TVP23C: variants seen among roughly 807,000 people sequenced by gnomAD.
The protein encoded by TVP23C is Golgi apparatus membrane protein TVP23 homolog C.
Under a neutral mutation model 28.7 loss-of-function variants are expected in TVP23C, and 19 were observed. That is an observed-to-expected ratio of 0.66 (90% confidence interval 0.46 to 0.97). The LOEUF (loss-of-function observed/expected upper bound fraction) is 0.97, where lower values mean the gene tolerates loss of function less well. TVP23C is among the 50% of genes least tolerant of loss of function. TVP23C has a pLI of 0.00. For synonymous variants in TVP23C, 68 were observed against 81.7 expected (o/e 0.83, Z 0.90); for missense variants, 186 against 241.3 (o/e 0.77, Z 1.52).
At chr17:15,527,581 T>C (rs1982780848) in intron 5 of TVP23C, among the ~76,000 whole-genome samples, 1 of 152,204 alleles carries the variant, frequency 6.6e-6, no homozygotes, top group Non-Finnish European at 1.5e-5. Flanking sequence ...ACTGAACATT[T>C]TACATGAGTT....
chr17:15,525,966 A>C (rs943153846), intron 5 of TVP23C, among the ~76,000 whole-genome samples: 1 of 152,234 alleles, frequency 6.6e-6, no homozygotes, highest in African/African-American at 2.4e-5. Flanking sequence ...AAAGAGATTA[A>C]GTATCTCATG....
chr17:15,538,552 T>C lies in TVP23C; in HGVS notation c.*1860A>G, dbSNP rs1983262088. ...TTGCAGTGAGCCGAGATCGCGCCAC[T>C]GCACTCCAGCCTGGGCAAACAGAGT... On this transcript the variant is annotated 3_prime_UTR_variant, in exon 6 of 6. Transcript: ENST00000518321. 1.1e-6 allele frequency: 1 copy of C among 944,652 alleles called. No homozygotes were observed. Among genetic ancestry groups the C allele is most frequent in the Non-Finnish European group, 1.3e-6 (1 of 792,866 alleles). The allele number at this position is 944,652 out of a possible 1,614,324, so 58.5% of individuals were successfully genotyped here.
chr17:15,551,178 G>A (rs964129091), intron 3 of TVP23C, among the ~76,000 whole-genome samples: 3 of 151,128 alleles, frequency 2.0e-5, no homozygotes, highest in Non-Finnish European at 4.4e-5. Flanking sequence ...GTGCAGTGGC[G>A]CGATCTCGGC....
At chr17:15,535,808 T>C (rs1361840745), downstream of TVP23C, among the ~76,000 whole-genome samples, 1 of 152,214 alleles carries the variant, frequency 6.6e-6, no homozygotes, top group African/African-American at 2.4e-5. Flanking sequence ...GTGCACTGTA[T>C]CGACAAGAAT....
Position 15,537,772 on chromosome 17 carries a change from T to C in TVP23C, c.*2640A>G. The C allele has an allele frequency of 9.5e-7, 1 of 1,057,648 alleles. No homozygotes were observed. Among genetic ancestry groups the C allele is most frequent in the African/African-American group, 1.7e-5 (1 of 59,728 alleles). 65.5% of individuals were successfully genotyped at this position (1,057,648 alleles called of 1,614,324 possible). A position where few individuals can be genotyped will look rare whatever the true frequency, so the allele number is the denominator to read the frequency against. ...GAGACAGACTAAGAACATCCTCCTA[T>C]GTTCTATGGATCAAAATGCAAAGGT... On this transcript the variant is annotated 3_prime_UTR_variant, in exon 6 of 6. Transcript: ENST00000518321.
chr17:15,507,409 G>A, intron 5 of TVP23C: 4 of 590,872 alleles, frequency 6.8e-6, no homozygotes, highest in Non-Finnish European at 1.2e-5. Flanking sequence ...AGCTCAGAGA[G>A]AGCACCCTCC....
chr17:15,548,680 A>G (rs1983753483), intron 3 of TVP23C, among the ~76,000 whole-genome samples: 2 of 152,250 alleles, frequency 1.3e-5, no homozygotes, highest in Non-Finnish European at 2.9e-5. Flanking sequence ...TAGACCTGCC[A>G]CTAGATCTTA....
chr17:15,506,904 C>A, intron 5 of TVP23C: 4 of 953,626 alleles, frequency 4.2e-6, no homozygotes, highest in South Asian at 3.8e-5. Context: ...TCGCCATCAA[C>A]GGGGAGCCCT....
chr17:15,533,602 G>A (rs1567637579), downstream of TVP23C, among the ~76,000 whole-genome samples: 1 of 152,176 alleles, frequency 6.6e-6, no homozygotes, highest in Admixed American at 6.5e-5. Context: ...CAGAGATCAT[G>A]AGGAACAGAT....
Position 15,539,740 on chromosome 17 carries a change from A to G in TVP23C, c.*672T>C. 1 of 985,362 alleles carries G rather than the reference A, an allele frequency of 1.0e-6. No homozygotes were observed. Among genetic ancestry groups the G allele is most frequent in the Non-Finnish European group, 1.2e-6 (1 of 829,872 alleles). 61.0% of individuals were successfully genotyped at this position (985,362 alleles called of 1,614,324 possible). ...TAAAATCCTTATGTTCTAGGGGGAA[A>G]AAAACATCTGAGTACAAATGTTATG... On this transcript the variant is annotated 3_prime_UTR_variant, in exon 6 of 6. Coordinates refer to ENST00000518321, the MANE Select transcript of TVP23C (RefSeq NM_001135036.2).
intron 2 of TVP23C, 50 bp from the exon 3 acceptor site, chr17:15,553,879 T>C: frequency 6.2e-7 from 1 of 1,609,960 alleles, no homozygotes; most frequent in African/African-American, 1.3e-5. Context: ...TTACTACAGG[T>C]ACTAGCAAAT....
At chr17:15,518,693 T>C (rs1166612577) in intron 5 of TVP23C, among the ~76,000 whole-genome samples, 4 of 151,696 alleles carry the variant, frequency 2.6e-5, no homozygotes, top group Admixed American at 6.6e-5. Flanking sequence ...CTGGGCTCAG[T>C]AGAGAAGAGC....
chr17:15,552,338 G>A (rs1983929342), intron 3 of TVP23C, among the ~76,000 whole-genome samples: 2 of 152,146 alleles, frequency 1.3e-5, no homozygotes, highest in African/African-American at 4.8e-5. Context: ...AGCATTATGC[G>A]GCCTACGGAA....
downstream of TVP23C, among the ~76,000 whole-genome samples, chr17:15,534,326 A>G (rs1983064622): frequency 6.6e-6 from 1 of 152,244 alleles, no homozygotes; most frequent in African/African-American, 2.4e-5. Flanking sequence ...AAGCTGAGAA[A>G]TGTAGAACAA....
At chr17:15,554,453 G>A (rs1474251438) in intron 2 of TVP23C, among the ~76,000 whole-genome samples, 1 of 152,036 alleles carries the variant, frequency 6.6e-6, no homozygotes, top group Non-Finnish European at 1.5e-5. Context: ...TAGCCAGGAT[G>A]ATCTCAATCT....
At chr17:15,559,892 TAAG>T (rs747935236) in intron 1 of TVP23C, among the ~76,000 whole-genome samples, 1 of 148,304 alleles carries the variant, frequency 6.7e-6, no homozygotes, top group Non-Finnish European at 1.5e-5. Flanking sequence ...ATCACAAAGA[TAAG>T]AAGGAATAGG....
intron 5 of TVP23C, among the ~76,000 whole-genome samples, chr17:15,517,415 T>C (rs1982276204): frequency 6.6e-6 from 1 of 152,244 alleles, no homozygotes; most frequent in African/African-American, 2.4e-5. Flanking sequence ...CACAGACTTC[T>C]ATGATCTGCA....
Position 15,559,313 on chromosome 17 carries a change from TAAAAAA to T in TVP23C, c.13-3955_13-3950del, listed in dbSNP as rs56346847. On this transcript the variant is annotated intron_variant, in intron 1 of 5. Coordinates refer to ENST00000518321, the MANE Select transcript of TVP23C (RefSeq NM_001135036.2). Reference sequence around the variant, plus strand: ...GGTACTGCTGTAAGTGGTACAGATTTAAAAAAAAAAAAAAAAAAAAAAAGACAAATA... The same window carrying T: ...GGTACTGCTGTAAGTGGTACAGATTTAAAAAAAAAAAAAAAAAGACAAATA... Among the ~76,000 whole-genome samples the T allele has an allele frequency of 1.8e-4, 19 of 105,186 alleles. 1 individual carries two copies. In the South Asian group the frequency reaches 3.4e-3, roughly 19 times the overall value. 69.0% of individuals were successfully genotyped at this position (105,186 alleles called of 152,430 possible).
intron 5 of TVP23C, among the ~76,000 whole-genome samples, chr17:15,529,076 T>C (rs1374247009): frequency 1.3e-5 from 2 of 152,194 alleles, no homozygotes; most frequent in Non-Finnish European, 2.9e-5. Flanking sequence ...AGAGTTATCA[T>C]TATCAAGTGC....
Sources: allele counts gnomAD v4.1 joint callset (sites outside exome capture counted in the v4.1 genomes callset), GRCh38; gene constraint gnomAD v4.1.1; transcripts MANE v1.5; gene names NCBI Gene and HGNC (gene_info 2026-07-23, HGNC 2026-07-21).